CATSPER1: variants seen among roughly 807,000 people sequenced by gnomAD.
The protein encoded by CATSPER1 is cation channel sperm associated 1.
In CATSPER1, 57 loss-of-function variants were observed where a neutral mutation model predicts 72.7. That is an observed-to-expected ratio of 0.78 (90% CI 0.63 to 0.98). CATSPER1 has a LOEUF of 0.98. Ranked by LOEUF, CATSPER1 falls within the 50% of genes least tolerant of loss-of-function variation. The pLI is 0.00. For synonymous variants in CATSPER1, 363 were observed against 403.0 expected, an observed-to-expected ratio of 0.90 and a Z score of 1.19; for missense variants, 910 against 1,033.9, an observed-to-expected ratio of 0.88 and a Z score of 1.64.
intron 1 of CATSPER1, 110 bp from the exon 2 acceptor site, chr11:66,023,171 C>G: frequency 9.5e-7 from 1 of 1,051,004 alleles, no homozygotes; most frequent in Non-Finnish European, 1.5e-6. Flanking sequence ...GCTTGCTGGC[C>G]CTCTGCCTCC....
chr11:66,018,646 AC>A (rs1256953507), intron 10 of CATSPER1, 180 bp downstream of exon 10: 1 of 641,994 alleles, frequency 1.6e-6, no homozygotes, highest in Admixed American at 2.4e-5. Context: ...TGGCACACAC[AC>A]CTCTGGATGT....
In CATSPER1 at chr11:66,020,760, G is replaced by A. The variant is rs1285450512; in HGVS notation, c.1927+51C>T. Reference sequence around the variant, plus strand: ...CCGATGGGGTCACTGAGCCCTGGCCGGTCCACCCCGCCAATCCCCGGCCCT... The same window carrying A: ...CCGATGGGGTCACTGAGCCCTGGCCAGTCCACCCCGCCAATCCCCGGCCCT... On this transcript the variant is annotated intron_variant, in intron 6 of 11. Transcript: ENST00000312106. The surrounding 1 kb of genome is among the most constrained non-coding windows in gnomAD (Gnocchi z 4.5). The A allele has an allele frequency of 4.3e-6, 7 of 1,612,044 alleles. No individual in the cohort carries two copies. Among genetic ancestry groups the A allele is most frequent in the Non-Finnish European group, 5.1e-6 (6 of 1,179,304 alleles).
At chr11:66,023,394 CAG>C (rs1856419006) in intron 1 of CATSPER1, among the ~76,000 whole-genome samples, 1 of 152,084 alleles carries the variant, frequency 6.6e-6, no homozygotes, top group Admixed American at 6.5e-5. Flanking sequence ...TGCAGGGACA[CAG>C]GGGTGCGCTC....
At position 66,021,899 on chromosome 11, in the gene CATSPER1, C is replaced by A. The variant is rs1455910512; in HGVS notation, c.1430-20G>T. 1 of 1,572,218 alleles carries A rather than the reference C, an allele frequency of 6.4e-7. No homozygotes were observed. The highest frequency in any genetic ancestry group is 8.8e-7 in the Non-Finnish European group (1 of 1,142,582). On this transcript the variant is annotated intron_variant, in intron 2 of 11. Coordinates refer to ENST00000312106, the MANE Select transcript of CATSPER1 (RefSeq NM_053054.4). ...ACCACTCTGCAGGAACACAGGGGTG[C>A]ACTCAGAGCTGTCCCCAGCACCCAG...
chr11:66,023,320 C>T (rs564481457), intron 1 of CATSPER1, among the ~76,000 whole-genome samples: 36 of 151,038 alleles, frequency 2.4e-4, no homozygotes, highest in Non-Finnish European at 3.0e-4. Flanking sequence ...GAACTCCTGG[C>T]CTCCAGGGCT....
chr11:66,018,912 G>A lies in CATSPER1; in HGVS notation c.2126-10C>T. 6.2e-7 allele frequency: 1 copy of A among 1,610,384 alleles called. No homozygotes were observed. Among genetic ancestry groups the A allele is most frequent in the African/African-American group, 1.3e-5 (1 of 74,956 alleles). On this transcript the variant is annotated splice_polypyrimidine_tract_variant and intron_variant, in intron 9 of 11. Transcript: ENST00000312106. ...GCCACCTCTTTGGGCTCTGGATGTA[G>A]AGAAAGAAGGGTGAGGTCAAGGCCT...
rs1347670279 is a variant in CATSPER1, at chr11:66,026,242, G to A, written c.138C>T (p.His46=). The A allele has an allele frequency of 6.2e-7, 1 of 1,613,946 alleles. No homozygotes were observed. The highest frequency in any genetic ancestry group is 8.5e-7 in the Non-Finnish European group (1 of 1,179,786). The change falls in exon 1 of 12, where the codon CAC becomes CAT. Residue 46 remains histidine (H), a synonymous_variant. Transcript: ENST00000312106. ...CACGTTGGTGGGGCACGCCGTGATG[G>A]TGCAACTCGTAATGGTGGAGAGCTC... ...HSRALHHYEL[H]HHGVPHQRGE... is the part of the protein sequence containing the mutation.
rs1478034890 is a variant in CATSPER1, at chr11:66,023,027, G to C, written c.1251C>G (p.His417Gln). The stretch of plus-strand genomic sequence containing the variant: ...ACAGCCACTGGAAGAGATTGGTAGA[G>C]TGTCCCTTCTTGCGGGTCCGCTGGA... ...GRLQRTRKKG[H>Q]STNLFQWLWE... Residue 417 changes from histidine to glutamine, a missense_variant, in exon 2 of 12, where the codon CAC becomes CAG. By Grantham distance (24) the His-to-Gln change is conservative. Coordinates refer to ENST00000312106, the MANE Select transcript of CATSPER1 (RefSeq NM_053054.4). 2.5e-6 allele frequency: 4 copies of C among 1,614,232 alleles called. No homozygotes were observed. Among genetic ancestry groups the C allele is most frequent in the Non-Finnish European group, 3.4e-6 (4 of 1,180,046 alleles).
At chr11:66,021,336 G>T in intron 4 of CATSPER1, 151 bp from the exon 5 acceptor site, 2 of 1,200,654 alleles carry the variant, frequency 1.7e-6, no homozygotes, top group Non-Finnish European at 2.3e-6. Context: ...AAATGAAGGG[G>T]CTGATTCCAG....
In CATSPER1 at chr11:66,020,085, A is replaced by G; in HGVS notation, c.2125+55T>C. On this transcript the variant is annotated intron_variant, in intron 9 of 11. Coordinates refer to ENST00000312106, the MANE Select transcript of CATSPER1 (RefSeq NM_053054.4). This position sits in a 1 kb window ranked among gnomAD's most constrained non-coding sequence, Gnocchi z 4.5. Reference sequence around the variant, plus strand: ...GTGGAAGGAGGTTAGGGGGATGGAGAGACTGGCCCCCACTGCGGACGGGCA... The same window carrying G: ...GTGGAAGGAGGTTAGGGGGATGGAGGGACTGGCCCCCACTGCGGACGGGCA... 1.3e-6 allele frequency: 2 copies of G among 1,561,446 alleles called. No individual in the cohort carries two copies. The highest frequency in any genetic ancestry group is 1.8e-6 in the Non-Finnish European group (2 of 1,133,870).
rs1856354390 is a variant in CATSPER1, at chr11:66,020,971, A to G, written c.1784-17T>C. 1 of 1,613,680 alleles carries G rather than the reference A, an allele frequency of 6.2e-7. No individual in the cohort carries two copies. The highest frequency in any genetic ancestry group is 1.7e-5 in the Admixed American group (1 of 60,012). ...AGAAGAGGACTGGCTGTTCAGGGCC[A>G]AACTCAGCTCTCCAGTGCTATCCCC... is the stretch of plus-strand genomic sequence containing the variant. On this transcript the variant is annotated splice_polypyrimidine_tract_variant and intron_variant, in intron 5 of 11. Transcript: ENST00000312106. This position sits in a 1 kb window ranked among gnomAD's most constrained non-coding sequence, Gnocchi z 4.5.
intron 4 of CATSPER1, 126 bp from the exon 5 acceptor site, chr11:66,021,311 GGCCC>G (rs1856363208): frequency 1.7e-6 from 2 of 1,210,064 alleles, no homozygotes; most frequent in Non-Finnish European, 2.3e-6. Context: ...GGTGAGTCCT[GGCCC>G]CTCTCTGGAA....
intron 4 of CATSPER1, 74 bp from the exon 5 acceptor site, chr11:66,021,259 C>T (rs1856362446): frequency 6.8e-7 from 1 of 1,467,472 alleles, no homozygotes; most frequent in Admixed American, 1.9e-5. Context: ...GCAGCCACAG[C>T]TGGCGCTGAA....
rs1856253044 is a variant in CATSPER1 at position 66,017,080 on chromosome 11, T to C, written c.2296A>G (p.Ile766Val). Residue 766 changes from isoleucine (I) to valine (V), a missense_variant, in exon 11 of 12, where the codon ATT (isoleucine) becomes GTT (valine). Ile to Val is a conservative substitution (Grantham distance 29). Transcript: ENST00000312106. ...TTCACCTCAAATGTGGTGTCCACAA[T>C]CTCATCGATGACGGCTGCCTGGGAG... The part of the protein sequence containing the change: ...FRSQAAVIDE[I>V]VDTTFEAGEE... 2 of 1,613,616 alleles carry C rather than the reference T, an allele frequency of 1.2e-6. No homozygotes were observed. Among genetic ancestry groups the C allele is most frequent in the Non-Finnish European group, 1.7e-6 (2 of 1,179,838 alleles).
At chr11:66,024,831 C>T (rs1220459098) in intron 1 of CATSPER1, among the ~76,000 whole-genome samples, 3 of 152,120 alleles carry the variant, frequency 2.0e-5, no homozygotes, top group Non-Finnish European at 2.9e-5. Context: ...TTGGGCCCCT[C>T]GAGGGCAGCG....
chr11:66,020,786 C>T lies in CATSPER1; in HGVS notation c.1927+25G>A. On this transcript the variant is annotated intron_variant, in intron 6 of 11. Transcript: ENST00000312106. The surrounding 1 kb of genome is among the most constrained non-coding windows in gnomAD (Gnocchi z 4.5). Reference sequence around the variant, plus strand: ...GTCCACCCCGCCAATCCCCGGCCCTCCCTGCAGCCTGGGGCCTGCCCTACC... The same window carrying T: ...GTCCACCCCGCCAATCCCCGGCCCTTCCTGCAGCCTGGGGCCTGCCCTACC... 6.2e-7 allele frequency: 1 copy of T among 1,613,626 alleles called. No homozygotes were observed. Among genetic ancestry groups the T allele is most frequent in the Non-Finnish European group, 8.5e-7 (1 of 1,179,978 alleles).
chr11:66,019,597 T>G (rs1856311108), intron 9 of CATSPER1, among the ~76,000 whole-genome samples: 1 of 151,900 alleles, frequency 6.6e-6, no homozygotes, highest in East Asian at 1.9e-4. Flanking sequence ...CTTTTAAGAT[T>G]TGACAAGCAC....
intron 2 of CATSPER1, 34 bp downstream of exon 2, chr11:66,022,815 C>T (rs752025379): frequency 1.2e-6 from 2 of 1,609,892 alleles, no homozygotes; most frequent in South Asian, 2.2e-5. Flanking sequence ...GCATCGGTGG[C>T]TTCTCCATGG....
chr11:66,019,750 C>A (rs1475473690), intron 9 of CATSPER1, among the ~76,000 whole-genome samples: 10 of 151,378 alleles, frequency 6.6e-5, no homozygotes, highest in African/African-American at 2.4e-4. Flanking sequence ...TACACACACA[C>A]ACAAAAAAAC....
Sources: gnomAD v4.1 joint callset for allele counts (sites outside exome capture counted in the v4.1 genomes callset) on GRCh38, gnomAD v4.1.1 for gene constraint, Gnocchi (gnomAD v3.1) non-coding constraint, MANE v1.5 for transcripts, NCBI Gene and HGNC (gene_info 2026-07-23, HGNC 2026-07-21) for gene names.